TTN: variants seen among roughly 807,000 people sequenced by gnomAD.
The protein encoded by TTN is titin, also known as connectin.
A neutral mutation model predicts 3,223.0 loss-of-function variants in TTN; 1,525 were observed. The observed-to-expected ratio is 0.47, with a 90% confidence interval of 0.45 to 0.49. TTN has a LOEUF of 0.49. TTN is among the 20% of genes least tolerant of loss of function. TTN has a pLI of 0.00. For missense variants in TTN, 40,786 were observed against 43,424.0 expected (o/e 0.94, Z 5.40); for synonymous variants, 14,094 against 15,161.0 (o/e 0.93, Z 5.17).
At position 178,625,340 on chromosome 2, in the gene TTN, TAACTTTACATCCCTCAGAGTA is replaced by T; in HGVS notation, c.44460_44480del (p.Thr14821_Leu14827del). The T allele has an allele frequency of 6.2e-7, 1 of 1,603,312 alleles. No homozygotes were observed. Among genetic ancestry groups the T allele is most frequent in the Non-Finnish European group, 8.5e-7 (1 of 1,175,360 alleles). Reference sequence around the variant, plus strand: ...TTAGTTGGACTTCCCCAGCATCTTCTAACTTTACATCCCTCAGAGTAAGTGTATGAACTTTTCCTTCTGAAC... The same window carrying T: ...TTAGTTGGACTTCCCCAGCATCTTCTAGTGTATGAACTTTTCCTTCTGAAC... On this transcript the variant is annotated inframe_deletion, in exon 241 of 363. Coordinates refer to ENST00000589042, the MANE Select transcript of TTN (RefSeq NM_001267550.2).
Position 178,720,493 on chromosome 2 carries a change from T to C in TTN, c.23269A>G (p.Thr7757Ala), listed in dbSNP as rs767710865. 2.5e-6 allele frequency: 4 copies of C among 1,613,722 alleles called. No individual in the cohort carries two copies. Among genetic ancestry groups the C allele is most frequent in the Non-Finnish European group, 3.4e-6 (4 of 1,179,690 alleles). The change falls in exon 80 of 363, where the codon ACA becomes GCA. Residue 7757 changes from threonine (T) to alanine (A), a missense_variant. Coordinates refer to ENST00000589042, the MANE Select transcript of TTN (RefSeq NM_001267550.2). Reference sequence around the variant, plus strand: ...TCAAGATTAAGGATATGAAGACTTGTATCAAAATGTTTTGAAGTGATTTTA... The same window carrying C: ...TCAAGATTAAGGATATGAAGACTTGCATCAAAATGTTTTGAAGTGATTTTA... ...KFKITSKHFD[T>A]SLHILNLEAS... is the part of the protein sequence containing the mutation.
In TTN at chr2:178,739,259, T is replaced by C. The variant is rs775718776; in HGVS notation, c.13974A>G (p.Thr4658=). Residue 4658 remains threonine (T), a synonymous_variant, in exon 48 of 363, where the codon ACA becomes ACG. Coordinates refer to ENST00000589042, the MANE Select transcript of TTN (RefSeq NM_001267550.2). ...TTACTTTGTCGATGACTAGCGTATATGTATTTTGATCTTGTAAACACTTGA... is the reference window on the plus strand; with the variant it reads ...TTACTTTGTCGATGACTAGCGTATACGTATTTTGATCTTGTAAACACTTGA... ...EKFKCLQDQN[T]YTLVIDKVNT... 2.5e-6 allele frequency: 4 copies of C among 1,608,580 alleles called. No homozygotes were observed. The highest frequency in any genetic ancestry group is 4.5e-5 in the East Asian group (2 of 44,636).
Position 178,729,481 on chromosome 2 carries a change from TGTTCCC to T in TTN, c.18669_18674del (p.Gly6224_Thr6225del), listed in dbSNP as rs1553921067. ...TCAGCCAAGTGACTTCAAACGGAGG[TGTTCCC>T]GTAACTTCACACTCCAGCTCCACGT... On this transcript the variant is annotated inframe_deletion, in exon 64 of 363. Coordinates refer to ENST00000589042, the MANE Select transcript of TTN (RefSeq NM_001267550.2). 1.2e-6 allele frequency: 2 copies of T among 1,613,560 alleles called. No homozygotes were observed. The highest frequency in any genetic ancestry group is 1.7e-6 in the Non-Finnish European group (2 of 1,179,618).
Position 178,542,674 on chromosome 2 carries a change from C to T in TTN, c.97180G>A (p.Val32394Ile). ...VTGTTSETIK[V>I]IILDKPGPPT... The stretch of plus-strand genomic sequence containing the variant: ...CACACATCCTTACCAAGAATGATAA[C>T]TTTAATGGTTTCTGAAGTAGTTCCG... Residue 32394 changes from valine (V) to isoleucine (I), a missense_variant, in exon 348 of 363, where the codon GTT becomes ATT. Physicochemically the swap from Val to Ile is conservative, Grantham distance 29 (BLOSUM62 3). Coordinates refer to ENST00000589042, the MANE Select transcript of TTN (RefSeq NM_001267550.2). The T allele has an allele frequency of 3.1e-6, 5 of 1,613,086 alleles. No individual in the cohort carries two copies. The highest frequency in any genetic ancestry group is 4.2e-6 in the Non-Finnish European group (5 of 1,179,164).
In TTN at chr2:178,528,825, G is replaced by T. The variant is rs761965591; in HGVS notation, c.106926C>A (p.Gly35642=). 6.2e-7 allele frequency: 1 copy of T among 1,613,904 alleles called. No individual in the cohort carries two copies. The highest frequency in any genetic ancestry group is 8.5e-7 in the Non-Finnish European group (1 of 1,179,858). The change falls in exon 360 of 363, where the codon GGC becomes GGA. Residue 35642 remains glycine (G), a synonymous_variant. Transcript: ENST00000589042. ...ACTCCTCAGAGTTGGTAAGCTCTAC[G>T]CCATTCAGTACCCATTTCACATCAG... ...GATDVKWVLN[G]VELTNSEEYR...
rs754946782 is a variant in TTN, at chr2:178,586,491, C to G, written c.64396+14G>C. ...AACTTACCACATGACATAAATGAAGCAAAGACTACTTACACAGTTGTTCTT... is the reference window on the plus strand; with the variant it reads ...AACTTACCACATGACATAAATGAAGGAAAGACTACTTACACAGTTGTTCTT... On this transcript the variant is annotated intron_variant, in intron 308 of 362. Coordinates refer to ENST00000589042, the MANE Select transcript of TTN (RefSeq NM_001267550.2). 1 of 1,610,050 alleles carries G rather than the reference C, an allele frequency of 6.2e-7. No individual in the cohort carries two copies. Among genetic ancestry groups the G allele is most frequent in the African/African-American group, 1.3e-5 (1 of 74,678 alleles).
In TTN at chr2:178,608,251, T is replaced by C. The variant is rs781142536; in HGVS notation, c.52632A>G (p.Val17544=). Residue 17544 remains valine (V), a synonymous_variant, in exon 275 of 363, where the codon GTA becomes GTG. Transcript: ENST00000589042. The part of the protein sequence containing the change: ...LLEGLTYVFR[V]CAENAAGPGK... ...CAGGTCCAGCTGCATTTTCAGCACATACTCTGAAGACATAGGTGAGTCCTT... is the reference window on the plus strand; with the variant it reads ...CAGGTCCAGCTGCATTTTCAGCACACACTCTGAAGACATAGGTGAGTCCTT... The C allele has an allele frequency of 1.9e-6, 3 of 1,609,884 alleles. No homozygotes were observed. Among genetic ancestry groups the C allele is most frequent in the Non-Finnish European group, 2.5e-6 (3 of 1,178,052 alleles).
chr2:178,540,290 C>A lies in TTN; in HGVS notation c.97876G>T (p.Asp32626Tyr). 1 of 1,613,810 alleles carries A rather than the reference C, an allele frequency of 6.2e-7. No individual in the cohort carries two copies. The change falls in exon 351 of 363, where the codon GAT (aspartate) becomes TAT (tyrosine). Residue 32626 changes from aspartate to tyrosine, a missense_variant. Physicochemically the swap from Asp to Tyr is radical, Grantham distance 160. Transcript: ENST00000589042. ...SVSLAWSVPE[D>Y]EGGSKVTGYL... ...CCTGTGACTTTAGATCCTCCTTCAT[C>A]TTCTGGAACACTCCAGGCCAGGGAG...
chr2:178,571,900 G>T lies in TTN; in HGVS notation c.74232C>A (p.Thr24744=), dbSNP rs1708318882. 1.9e-6 allele frequency: 3 copies of T among 1,613,240 alleles called. No individual in the cohort carries two copies. Among genetic ancestry groups the T allele is most frequent in the African/African-American group, 1.3e-5 (1 of 74,858 alleles). The change falls in exon 326 of 363, where the codon ACC becomes ACA. Residue 24744 remains threonine, a synonymous_variant. Coordinates refer to ENST00000589042, the MANE Select transcript of TTN (RefSeq NM_001267550.2). ...TATCTTTATGCCAGGTTACAGCTGG[G>T]GTAGGGCGGCCAATGAATGGAACAT... ...KVDVPFIGRP[T]PAVTWHKDNV...
rs1350506958 is a variant in TTN, at chr2:178,746,041, G to A, written c.11312-4120C>T. 5 of 1,613,356 alleles carry A rather than the reference G, an allele frequency of 3.1e-6. No individual in the cohort carries two copies. In the South Asian group the frequency reaches 4.4e-5, roughly 14 times the overall value. On this transcript the variant is annotated intron_variant, in intron 47 of 362. Transcript: ENST00000589042. ...CCTCTCCTACACAATTCACAGCTCT[G>A]CACCTGTATGTTGCACTATCAGAAA...
In TTN at chr2:178,542,264, G is replaced by A. The variant is rs753498594; in HGVS notation, c.97492C>T (p.Arg32498Cys). The A allele has an allele frequency of 1.2e-5, 19 of 1,603,920 alleles. No homozygotes were observed. The highest frequency in any genetic ancestry group is 4.0e-5 in the African/African-American group (3 of 74,724). ...SEVIECRSSIRIPGPPETLQI... is the reference protein window; with the variant it reads ...SEVIECRSSICIPGPPETLQI... Reference sequence around the variant, plus strand: ...GTGGTGGAAGGGCCTGTGGACTTACGGATGCTGCTGCGACACTCTATGACC... The same window carrying A: ...GTGGTGGAAGGGCCTGTGGACTTACAGATGCTGCTGCGACACTCTATGACC... Residue 32498 changes from arginine (R) to cysteine (C), a missense_variant and splice_region_variant, in exon 349 of 363, where the codon CGT becomes TGT. Physicochemically the swap from Arg to Cys is radical, Grantham distance 180 (BLOSUM62 -3). Transcript: ENST00000589042.
In TTN at chr2:178,572,689, G is replaced by A; in HGVS notation, c.73443C>T (p.Tyr24481=). ...TTACATTTCCAACAATAAGCAGGGT[G>A]TAAGAGCTTGTGGATTCGATGCTAG... The part of the protein sequence containing the change: ...DKASIESTSS[Y]TLLIVGNVNR... The change falls in exon 326 of 363, where the codon TAC becomes TAT. Residue 24481 remains tyrosine (Y), a synonymous_variant. Coordinates refer to ENST00000589042, the MANE Select transcript of TTN (RefSeq NM_001267550.2). 6.2e-7 allele frequency: 1 copy of A among 1,613,422 alleles called. No homozygotes were observed. Among genetic ancestry groups the A allele is most frequent in the Non-Finnish European group, 8.5e-7 (1 of 1,179,562 alleles).
chr2:178,723,435 G>C lies in TTN; in HGVS notation c.21665C>G (p.Thr7222Ser), dbSNP rs776840421. The C allele has an allele frequency of 1.9e-6, 3 of 1,612,468 alleles. No individual in the cohort carries two copies. The highest frequency in any genetic ancestry group is 2.7e-5 in the African/African-American group (2 of 74,878). The change falls in exon 74 of 363, where the codon ACC (threonine) becomes AGC (serine). Residue 7222 changes from threonine (T) to serine (S), a missense_variant. Thr to Ser is a moderately conservative substitution (Grantham distance 58). Coordinates refer to ENST00000589042, the MANE Select transcript of TTN (RefSeq NM_001267550.2). ...GAGCAAACCTTTCACAAAGAGACGG[G>C]TAGTGCAAGATGCTTGGCCAGCGTT... The part of the protein sequence containing the change: ...SNNAGQASCT[T>S]RLFVKEPAAF...
In TTN at chr2:178,679,984, C is replaced by T; in HGVS notation, c.33490G>A (p.Glu11164Lys). 6.2e-7 allele frequency: 1 copy of T among 1,613,246 alleles called. No individual in the cohort carries two copies. The highest frequency in any genetic ancestry group is 8.5e-7 in the Non-Finnish European group (1 of 1,179,456). ...FEEEVVTHVEEYLVEEEEEYI... is the reference protein window; with the variant it reads ...FEEEVVTHVEKYLVEEEEEYI... ...TCTTCTTCTTCTTCTACAAGATATT[C>T]TTCTACATGGGTTACAACTTCCTCT... Residue 11164 changes from glutamate to lysine, a missense_variant, in exon 140 of 363, where the codon GAA becomes AAA. Coordinates refer to ENST00000589042, the MANE Select transcript of TTN (RefSeq NM_001267550.2).
chr2:178,643,722 G>T (rs2061533335), intron 218 of TTN, among the ~76,000 whole-genome samples: 1 of 151,784 alleles, frequency 6.6e-6, no homozygotes, highest in African/African-American at 2.4e-5. Context: ...CAATATCCAT[G>T]ATAACATTAT....
rs765755432 is a variant in TTN, at chr2:178,587,744, CTGCTCTCACTATGACCAGTTTCCTCA to C, written c.63539_63564del (p.Met21180ArgfsTer17). The C allele has an allele frequency of 6.2e-7, 1 of 1,612,340 alleles. No individual in the cohort carries two copies. The highest frequency in any genetic ancestry group is 1.1e-5 in the South Asian group (1 of 90,938). ...ATAGCAAAGAGACGAATAGGGCATC[CTGCTCTCACTATGACCAGTTTCCTCA>C]TGCTGGCATCCAAATCAATCTCCGG... On this transcript the variant is annotated frameshift_variant, in exon 306 of 363. Coordinates refer to ENST00000589042, the MANE Select transcript of TTN (RefSeq NM_001267550.2). LOFTEE classifies it high-confidence loss of function.
In TTN at chr2:178,734,864, T is replaced by C. The variant is rs1446965520; in HGVS notation, c.15060A>G (p.Lys5020=). 1 of 1,613,740 alleles carries C rather than the reference T, an allele frequency of 6.2e-7. No homozygotes were observed. The highest frequency in any genetic ancestry group is 2.2e-5 in the East Asian group (1 of 44,820). Residue 5020 remains lysine (K), a synonymous_variant, in exon 51 of 363, where the codon AAA becomes AAG. Coordinates refer to ENST00000589042, the MANE Select transcript of TTN (RefSeq NM_001267550.2). ...GGACTGTGTTACTTTCACTGAGTTC[T>C]TTGTTATTTTTAAACCAAGTAACCT... ...VIQVTWFKNN[K]ELSESNTVRM... is the part of the protein sequence containing the mutation.
In TTN at chr2:178,572,490, C is replaced by T; in HGVS notation, c.73642G>A (p.Gly24548Ser). The T allele has an allele frequency of 6.2e-7, 1 of 1,612,976 alleles. No homozygotes were observed. The highest frequency in any genetic ancestry group is 8.5e-7 in the Non-Finnish European group (1 of 1,179,384). Residue 24548 changes from glycine (G) to serine (S), a missense_variant, in exon 326 of 363, where the codon GGT (glycine) becomes AGT (serine). Physicochemically the swap from Gly to Ser is moderately conservative, Grantham distance 56. Coordinates refer to ENST00000589042, the MANE Select transcript of TTN (RefSeq NM_001267550.2). ...ACAATATAGTTCTTGATTTTTGAAC[C>T]TCCATCAAGGAGAGGTGGGTCCCAT... ...LTWDPPLLDG[G>S]SKIKNYIVEK...
chr2:178,672,610 G>A, intron 153 of TTN, 25 bp downstream of exon 153: 2 of 1,611,096 alleles, frequency 1.2e-6, no homozygotes, highest in Non-Finnish European at 1.7e-6. Flanking sequence ...AGAAGAGGAA[G>A]TCAGGTTTAA....
Sources: gnomAD v4.1 joint callset for allele counts (sites outside exome capture counted in the v4.1 genomes callset) on GRCh38, gnomAD v4.1.1 for gene constraint, MANE v1.5 for transcripts, NCBI Gene and HGNC (gene_info 2026-07-23, HGNC 2026-07-21) for gene names.